The following SGCD variants were observed in gnomAD, a reference collection of about 807,000 sequenced individuals.
The protein encoded by SGCD is sarcoglycan delta.
A neutral mutation model predicts 36.6 loss-of-function variants in SGCD; 18 were observed. The ratio of observed to expected loss-of-function variants is 0.49; its 90% CI spans 0.34 to 0.73. SGCD has a LOEUF of 0.73. SGCD is among the 30% of genes least tolerant of loss of function. The probability of loss-of-function intolerance (pLI) is 0.01; values close to 1 mark genes in which losing one functional copy is unlikely to be tolerated. For synonymous variants in SGCD, 133 were observed against 130.6 expected, an observed-to-expected ratio of 1.02 and a Z score of -0.12; for missense variants, 387 against 346.7, an observed-to-expected ratio of 1.12 and a Z score of -0.92.
intron 4 of SGCD, among the ~76,000 whole-genome samples, chr5:156,509,973 A>C (rs1315399679): frequency 6.6e-6 from 1 of 152,218 alleles, no homozygotes; most frequent in Non-Finnish European, 1.5e-5. Flanking sequence ...CCCCCAAAGC[A>C]CTACTTGCAT....
the SGCD span, among the ~76,000 whole-genome samples, chr5:155,829,102 C>T: frequency 1.3e-5 from 2 of 152,160 alleles, no homozygotes; most frequent in Middle Eastern, 6.8e-3. Flanking sequence ...TAAGTCATTT[C>T]TCACTCTTCT....
chr5:155,951,493 A>G (rs933510592), intron 1 of SGCD, among the ~76,000 whole-genome samples: 2 of 152,194 alleles, frequency 1.3e-5, no homozygotes, highest in Admixed American at 1.3e-4. Flanking sequence ...AAGAGTCAAG[A>G]AAGTGGTTAT....
intron 3 of SGCD, among the ~76,000 whole-genome samples, chr5:156,285,804 A>C (rs1040772887): frequency 3.3e-5 from 5 of 152,138 alleles, no homozygotes; most frequent in African/African-American, 9.7e-5. Context: ...CAATGGCAAC[A>C]AAAGCCAAAA....
At chr5:156,303,511 C>G (rs1767115312) in intron 3 of SGCD, among the ~76,000 whole-genome samples, 1 of 151,864 alleles carries the variant, frequency 6.6e-6, no homozygotes, top group Admixed American at 6.6e-5. Flanking sequence ...GACAAAGTCT[C>G]CTTTACTCTT....
At chr5:156,729,562 C>T (rs1206072186) in intron 7 of SGCD, among the ~76,000 whole-genome samples, 1 of 152,168 alleles carries the variant, frequency 6.6e-6, no homozygotes, top group Non-Finnish European at 1.5e-5. Context: ...ATACAAGAAG[C>T]ACTCAATGAA....
chr5:156,537,631 G>A (rs773645767), intron 4 of SGCD, among the ~76,000 whole-genome samples: 7 of 151,746 alleles, frequency 4.6e-5, no homozygotes, highest in Admixed American at 1.3e-4. Context: ...GGTGCCTTAC[G>A]TTGGAGTTCT....
At chr5:156,026,183 T>C (rs376661838) in intron 1 of SGCD, among the ~76,000 whole-genome samples, 3 of 152,210 alleles carry the variant, frequency 2.0e-5, no homozygotes, top group African/African-American at 4.8e-5. Flanking sequence ...AAAATACTTG[T>C]TGTTAGATTG....
chr5:155,888,119 G>T (rs1395084827), intron 1 of SGCD, among the ~76,000 whole-genome samples: 1 of 152,138 alleles, frequency 6.6e-6, no homozygotes, highest in African/African-American at 2.4e-5. Flanking sequence ...AAATATCCCT[G>T]AAATCAATTC....
chr5:156,052,952 A>G (rs1402305545), intron 1 of SGCD, among the ~76,000 whole-genome samples: 2 of 146,098 alleles, frequency 1.4e-5, no homozygotes, highest in African/African-American at 4.9e-5. Context: ...TCTAGGACCA[A>G]TGTGTTGTGC....
chr5:156,674,636 T>G (rs1753437163), intron 7 of SGCD, among the ~76,000 whole-genome samples: 1 of 152,142 alleles, frequency 6.6e-6, no homozygotes, highest in African/African-American at 2.4e-5. Context: ...AACTAAATAA[T>G]ACTCAGGTCT....
At position 156,761,600 on chromosome 5, in the gene SGCD, G is replaced by T. The variant is rs1307791220; in HGVS notation, c.*2210G>T. 1 of 152,184 alleles carries T rather than the reference G, an allele frequency of 6.6e-6. No homozygotes were observed. Among genetic ancestry groups the T allele is most frequent in the Non-Finnish European group, 1.5e-5 (1 of 68,038 alleles). The allele number at this position is 152,184 out of a possible 1,614,324, so 9.4% of individuals were successfully genotyped here. A position where few individuals can be genotyped will look rare whatever the true frequency, so the allele number is the denominator to read the frequency against. On this transcript the variant is annotated 3_prime_UTR_variant, in exon 9 of 9. Coordinates refer to ENST00000337851, the MANE Select transcript of SGCD (RefSeq NM_000337.6). ...AACAATGATAGCTACAAAGTCATTT[G>T]TGGCTAGATAGGTTAAGACAGGTGA...
Position 156,131,187 on chromosome 5 carries a change from G to C in SGCD, c.-44+7168G>C, listed in dbSNP as rs59586743. ...GACCATAATATAAATTCTAGAGCCAGAAACTGTGTAATATGCAGTTTAGAA... is the reference window on the plus strand; with the variant it reads ...GACCATAATATAAATTCTAGAGCCACAAACTGTGTAATATGCAGTTTAGAA... On this transcript the variant is annotated intron_variant, in intron 3 of 9. Transcript: ENST00000517913. 2.0e-4 allele frequency among the ~76,000 whole-genome samples: 31 copies of C among 152,296 alleles called. No individual in the cohort carries two copies. The East Asian group carries it at 6.0e-3, about 29-fold the overall frequency.
the SGCD span, among the ~76,000 whole-genome samples, chr5:155,810,330 G>C: frequency 1.3e-5 from 2 of 152,248 alleles, no homozygotes; most frequent in African/African-American, 4.8e-5. Context: ...CAGAAGTCAA[G>C]TCACCTTTTA....
intron 1 of SGCD, among the ~76,000 whole-genome samples, chr5:156,054,019 A>G (rs1759991336): frequency 6.9e-6 from 1 of 145,654 alleles, no homozygotes; most frequent in South Asian, 2.2e-4. Flanking sequence ...ATACTATCAT[A>G]GTGTGAACCA....
intron 7 of SGCD, among the ~76,000 whole-genome samples, chr5:156,697,939 A>G (rs1754384772): frequency 6.6e-6 from 1 of 152,062 alleles, no homozygotes; most frequent in African/African-American, 2.4e-5. Flanking sequence ...AAGTCAGGAG[A>G]AAGAGGGGAG....
At chr5:156,512,236 A>G (rs558028652) in intron 4 of SGCD, among the ~76,000 whole-genome samples, 1 of 151,810 alleles carries the variant, frequency 6.6e-6, no homozygotes, top group South Asian at 2.1e-4. Flanking sequence ...TGTTTTATCA[A>G]ACATTTTCCA....
intron 3 of SGCD, among the ~76,000 whole-genome samples, chr5:156,188,580 T>C (rs964823249): frequency 6.6e-6 from 1 of 152,040 alleles, no homozygotes; most frequent in African/African-American, 2.4e-5. Flanking sequence ...TGGTAGTGTC[T>C]ACTGTTGGGG....
At chr5:156,154,098 C>T (rs1393651778) in intron 3 of SGCD, among the ~76,000 whole-genome samples, 8 of 151,600 alleles carry the variant, frequency 5.3e-5, no homozygotes. Context: ...CCTTGAAGCA[C>T]TGATTAACCA....
At chr5:156,291,985 A>T (rs1443332668) in intron 3 of SGCD, among the ~76,000 whole-genome samples, 1 of 152,072 alleles carries the variant, frequency 6.6e-6, no homozygotes, top group African/African-American at 2.4e-5. Context: ...GTACTCTTTG[A>T]AAAACATCTT....
Sources: gnomAD v4.1 joint callset for allele counts (sites outside exome capture counted in the v4.1 genomes callset) on GRCh38, gnomAD v4.1.1 for gene constraint, MANE v1.5 for transcripts, NCBI Gene and HGNC (gene_info 2026-07-23, HGNC 2026-07-21) for gene names.